The following EPHA6 variants were observed in gnomAD, a reference collection of about 807,000 sequenced individuals.
EPHA6 encodes EPH receptor A6, also known as ephrin type-A receptor 6.
In EPHA6, 50 loss-of-function variants were observed where a neutral mutation model predicts 112.0. The ratio of observed to expected loss-of-function variants is 0.45; its 90% CI spans 0.36 to 0.56. The LOEUF is 0.56. EPHA6 is among the 20% of genes least tolerant of loss of function. EPHA6 has a pLI of 0.00. For synonymous variants in EPHA6, 529 were observed against 490.7 expected (o/e 1.08, Z -1.03); for missense variants, 1,280 against 1,417.4 (o/e 0.90, Z 1.56).
intron 6 of EPHA6, among the ~76,000 whole-genome samples, chr3:97,427,179 C>A (rs1244032924): frequency 1.3e-5 from 2 of 152,144 alleles, no homozygotes; most frequent in East Asian, 3.9e-4. Flanking sequence ...ACCCAACAAT[C>A]CCATTATTGG....
intron 2 of EPHA6, among the ~76,000 whole-genome samples, chr3:96,878,643 A>T (rs1389427492): frequency 1.3e-5 from 2 of 152,212 alleles, no homozygotes; most frequent in East Asian, 3.9e-4. Context: ...AGCTAATGTC[A>T]TTAAATATTA....
chr3:97,278,267 C>G lies in EPHA6; in HGVS notation c.1606+33980C>G, dbSNP rs564610872. Among the ~76,000 whole-genome samples the G allele has an allele frequency of 3.3e-5, 5 of 152,198 alleles. No homozygotes were observed. In the South Asian group the frequency reaches 1.0e-3, roughly 32 times the overall value. ...CTTTATTCTAGTAAATATTATAAGT[C>G]TATTTGTATGAAAAAAATAACACTA... On this transcript the variant is annotated intron_variant, in intron 5 of 17. Coordinates refer to ENST00000389672, the MANE Select transcript of EPHA6 (RefSeq NM_001080448.3).
intron 14 of EPHA6, among the ~76,000 whole-genome samples, chr3:97,660,966 G>C (rs371240249): frequency 6.6e-6 from 1 of 152,004 alleles, no homozygotes; most frequent in Non-Finnish European, 1.5e-5. Flanking sequence ...CTTTTCTGTA[G>C]TTTGTCATTT....
At chr3:97,341,348 A>C (rs1352589652) in intron 5 of EPHA6, among the ~76,000 whole-genome samples, 2 of 151,244 alleles carry the variant, frequency 1.3e-5, no homozygotes. Context: ...TATTCTGCTC[A>C]TGCTTTTCTT....
At chr3:97,715,242 C>T (rs1310901784) in intron 14 of EPHA6, among the ~76,000 whole-genome samples, 1 of 152,190 alleles carries the variant, frequency 6.6e-6, no homozygotes, top group African/African-American at 2.4e-5. Flanking sequence ...TGTCAAAACT[C>T]ATTATAGTTT....
At chr3:97,441,132 A>G (rs2107278519) in intron 6 of EPHA6, among the ~76,000 whole-genome samples, 1 of 152,070 alleles carries the variant, frequency 6.6e-6, no homozygotes, top group African/African-American at 2.4e-5. Flanking sequence ...ATATAGTATA[A>G]CCCAAATATC....
intron 6 of EPHA6, among the ~76,000 whole-genome samples, chr3:97,439,163 A>G (rs925962099): frequency 2.6e-5 from 4 of 152,168 alleles, no homozygotes; most frequent in African/African-American, 7.2e-5. Flanking sequence ...AACAAGGTAC[A>G]CATTGGTAGG....
chr3:97,002,410 T>G (rs2043700904), intron 3 of EPHA6, among the ~76,000 whole-genome samples: 1 of 50,864 alleles, frequency 2.0e-5, no homozygotes, highest in Non-Finnish European at 8.8e-5. Context: ...TGAGGGTTGT[T>G]TTTTTTTTTC....
chr3:96,830,979 A>G (rs2034034091), intron 1 of EPHA6, among the ~76,000 whole-genome samples: 1 of 151,956 alleles, frequency 6.6e-6, no homozygotes, highest in Non-Finnish European at 1.5e-5. Context: ...TTATATGTAT[A>G]TATATACACA....
At chr3:97,408,233 A>G (rs1244415750) in intron 6 of EPHA6, among the ~76,000 whole-genome samples, 1 of 152,012 alleles carries the variant, frequency 6.6e-6, no homozygotes, top group African/African-American at 2.4e-5. Context: ...ACCTATTAAT[A>G]CTGTTACAAT....
chr3:97,120,241 C>T (rs1039656529), intron 3 of EPHA6, among the ~76,000 whole-genome samples: 1 of 151,834 alleles, frequency 6.6e-6, no homozygotes, highest in Non-Finnish European at 1.5e-5. Flanking sequence ...TGTGTACATA[C>T]CCTATTTCAA....
intron 3 of EPHA6, among the ~76,000 whole-genome samples, chr3:96,989,505 A>G (rs1257458301): frequency 6.6e-6 from 1 of 152,180 alleles, no homozygotes; most frequent in Non-Finnish European, 1.5e-5. Context: ...TGGAGTTAGG[A>G]TCTAAAGATA....
intron 2 of EPHA6, among the ~76,000 whole-genome samples, chr3:96,930,022 G>A (rs2040231704): frequency 6.6e-6 from 1 of 152,140 alleles, no homozygotes; most frequent in African/African-American, 2.4e-5. Context: ...TTTAATACTT[G>A]TGATTGCGTT....
intron 14 of EPHA6, among the ~76,000 whole-genome samples, chr3:97,639,780 A>G (rs549100556): frequency 7.2e-5 from 11 of 152,320 alleles, no homozygotes; most frequent in African/African-American, 2.6e-4. Context: ...TAAGAGGCCT[A>G]GGACAGTGCT....
At chr3:97,623,363 C>A (rs970509253) in intron 13 of EPHA6, among the ~76,000 whole-genome samples, 25 of 151,700 alleles carry the variant, frequency 1.6e-4, no homozygotes, top group Admixed American at 7.9e-4. Context: ...AAAGACTGTA[C>A]TTTCCAAATT....
At chr3:97,591,991 A>G (rs958429871) in intron 11 of EPHA6, among the ~76,000 whole-genome samples, 2 of 152,156 alleles carry the variant, frequency 1.3e-5, no homozygotes, top group Admixed American at 1.3e-4. Context: ...CAAGCCACTT[A>G]CTTTTTCTTT....
rs541652083 is a variant in EPHA6 at position 97,614,622 on chromosome 3, G to A, written c.2574+3768G>A. 3.3e-5 allele frequency among the ~76,000 whole-genome samples: 5 copies of A among 151,708 alleles called. No individual in the cohort carries two copies. In the South Asian group the frequency reaches 1.0e-3, roughly 32 times the overall value. Reference sequence around the variant, plus strand: ...CTGCCTTGGCCTTCCAAAGTGCTGGGATTACAGGCGTGAGCCACTGTCCCT... The same window carrying A: ...CTGCCTTGGCCTTCCAAAGTGCTGGAATTACAGGCGTGAGCCACTGTCCCT... On this transcript the variant is annotated intron_variant, in intron 13 of 17. Transcript: ENST00000389672.
At chr3:97,061,627 A>ATG (rs927971677) in intron 3 of EPHA6, among the ~76,000 whole-genome samples, 1 of 152,194 alleles carries the variant, frequency 6.6e-6, no homozygotes, top group African/African-American at 2.4e-5. Context: ...GAAATAGGGG[A>ATG]TGAGAAGGTA....
Position 97,761,109 on chromosome 3 carries a change from T to C in EPHA6, c.*12408T>C. ...AAACAAGGTAAAAAGGTGTTAACAA[T>C]TGAACTGCAATCCTACCTATTATCT... On this transcript the variant is annotated 3_prime_UTR_variant, in exon 18 of 18. Coordinates refer to ENST00000389672, the MANE Select transcript of EPHA6 (RefSeq NM_001080448.3). 4.9e-6 allele frequency: 1 copy of C among 205,920 alleles called. No individual in the cohort carries two copies. The highest frequency in any genetic ancestry group is 9.9e-6 in the Non-Finnish European group (1 of 100,672). 12.8% of individuals were successfully genotyped at this position (205,920 alleles called of 1,614,324 possible). A position where few individuals can be genotyped will look rare whatever the true frequency, so the allele number is the denominator to read the frequency against.
Sources: gnomAD v4.1 joint callset for allele counts (sites outside exome capture counted in the v4.1 genomes callset) on GRCh38, gnomAD v4.1.1 for gene constraint, MANE v1.5 for transcripts, NCBI Gene and HGNC (gene_info 2026-07-23, HGNC 2026-07-21) for gene names.